The following FSTL4 variants were observed in gnomAD, a reference collection of about 807,000 sequenced individuals.
FSTL4 encodes the protein follistatin-related protein 4.
Under a neutral mutation model 78.2 loss-of-function variants are expected in FSTL4, and 28 were observed. That is an observed-to-expected ratio of 0.36 (90% CI 0.27 to 0.49). The LOEUF (loss-of-function observed/expected upper bound fraction) is 0.49, where lower values mean the gene tolerates loss of function less well. Ranked by LOEUF, FSTL4 falls within the 20% of genes least tolerant of loss-of-function variation. FSTL4 has a pLI of 0.98. For synonymous variants in FSTL4, 422 were observed against 440.5 expected (o/e 0.96, Z 0.53); for missense variants, 922 against 1,084.9 (o/e 0.85, Z 2.11).
intron 3 of FSTL4, among the ~76,000 whole-genome samples, chr5:133,548,732 A>G (rs2545537): frequency 0.39 from 58,724 of 151,948 alleles, 11,479 homozygotes; most frequent in African/African-American, 0.41. Context: ...GAACTGTAAA[A>G]TATTATATTG....
In FSTL4 at chr5:133,475,938, A is replaced by T. The variant is rs113405408; in HGVS notation, c.161-74952T>A. Among the ~76,000 whole-genome samples the T allele has an allele frequency of 2.8e-3, 427 of 152,278 alleles. 3 individuals are homozygous for T. Among genetic ancestry groups the T allele is most frequent in the African/African-American group, 9.7e-3 (404 of 41,568 alleles). ...AACTGGCTTTTAATGTCCACCCTCC[A>T]GAGGAGTCTGGGCGAATAAGGCTTA... On this transcript the variant is annotated intron_variant, in intron 3 of 15. Transcript: ENST00000265342.
At chr5:133,616,310 A>AATCTATATCT (rs1554073701), upstream of FSTL4, among the ~76,000 whole-genome samples, 63 of 147,276 alleles carry the variant, frequency 4.3e-4, no homozygotes, top group African/African-American at 1.4e-3. Flanking sequence ...TGAAAATCTA[A>AATCTATATCT]ATCTATCTAT....
At chr5:133,494,259 T>C (rs962357253) in intron 3 of FSTL4, among the ~76,000 whole-genome samples, 15 of 151,778 alleles carry the variant, frequency 9.9e-5, no homozygotes, top group African/African-American at 3.6e-4. Context: ...TCTGGGATGA[T>C]AGAGGACTTC....
At chr5:133,230,603 T>G (rs1462472012) in intron 8 of FSTL4, among the ~76,000 whole-genome samples, 3 of 152,090 alleles carry the variant, frequency 2.0e-5, no homozygotes, top group Non-Finnish European at 4.4e-5. Flanking sequence ...GTAAGATGAC[T>G]CCTCACTGGC....
rs767927742 is a variant in FSTL4, at chr5:133,220,829, G to A, written c.1377C>T (p.Asp459=). Residue 459 remains aspartate, a synonymous_variant, in exon 12 of 16, where the codon GAC becomes GAT. Transcript: ENST00000265342. ...SVGNMFYVFS[D]DGIIVIHPVD... ...CAGGATGGATGACGATGATACCGTC[G>A]TCGGAGAAGACATAGAACATGTTTC... 32 of 1,612,472 alleles carry A rather than the reference G, an allele frequency of 2.0e-5. No individual in the cohort carries two copies. The highest frequency in any genetic ancestry group is 3.3e-5 in the Admixed American group (2 of 60,000).
At position 133,225,802 on chromosome 5, in the gene FSTL4, C is replaced by T; in HGVS notation, c.1033G>A (p.Val345Ile). ...LQVNVPPVIR[V>I]YPESQAQEPG... The stretch of plus-strand genomic sequence containing the variant: ...TCCTGTGCCTGGCTCTCTGGATAGA[C>T]ACGGATGACTGGCGGCACTGTGGGT... Residue 345 changes from valine (V) to isoleucine (I), a missense_variant, in exon 9 of 16, where the codon GTC becomes ATC. By Grantham distance (29) the Val-to-Ile change is conservative. Transcript: ENST00000265342. This position sits in a 1 kb window ranked among gnomAD's most constrained non-coding sequence, Gnocchi z 4.6. 1 of 1,589,122 alleles carries T rather than the reference C, an allele frequency of 6.3e-7. No homozygotes were observed. The highest frequency in any genetic ancestry group is 8.6e-7 in the Non-Finnish European group (1 of 1,168,300).
chr5:133,702,687 T>C, the FSTL4 span, among the ~76,000 whole-genome samples: 121 of 152,322 alleles, frequency 7.9e-4, no homozygotes, highest in African/African-American at 2.8e-3. Flanking sequence ...TAATTAGCCT[T>C]ATTCTAGAAT....
At chr5:133,763,937 AG>A in the FSTL4 span, among the ~76,000 whole-genome samples, 1 of 152,302 alleles carries the variant, frequency 6.6e-6, no homozygotes, top group Non-Finnish European at 1.5e-5. Flanking sequence ...CCAGAGCCCA[AG>A]CCAGCCCAAG....
Position 133,567,236 on chromosome 5 carries a change from A to C in FSTL4, c.127-17T>G. Reference sequence around the variant, plus strand: ...TCTGGGCTCCTGCAAGAAAAGAAAGACTTTGTGTTTTCTGAAGAATAATTC... The same window carrying C: ...TCTGGGCTCCTGCAAGAAAAGAAAGCCTTTGTGTTTTCTGAAGAATAATTC... On this transcript the variant is annotated splice_polypyrimidine_tract_variant and intron_variant, in intron 2 of 15. Coordinates refer to ENST00000265342, the MANE Select transcript of FSTL4 (RefSeq NM_015082.2). 6.3e-7 allele frequency: 1 copy of C among 1,598,950 alleles called. No individual in the cohort carries two copies.
At chr5:133,776,286 C>G in the FSTL4 span, among the ~76,000 whole-genome samples, 2 of 152,296 alleles carry the variant, frequency 1.3e-5, no homozygotes, top group Non-Finnish European at 2.9e-5. Flanking sequence ...ATGTCCCAAG[C>G]TGCCTTTATG....
At chr5:133,727,862 C>T in the FSTL4 span, among the ~76,000 whole-genome samples, 1 of 152,322 alleles carries the variant, frequency 6.6e-6, no homozygotes, top group South Asian at 2.1e-4. Flanking sequence ...GAGCCAAGAG[C>T]ACGAGGGCTG....
chr5:133,746,744 A>C, the FSTL4 span, among the ~76,000 whole-genome samples: 165 of 152,320 alleles, frequency 1.1e-3, no homozygotes, highest in African/African-American at 3.8e-3. Flanking sequence ...CAAGAAAGCA[A>C]AGAGAAACTG....
chr5:133,785,562 T>A, the FSTL4 span, among the ~76,000 whole-genome samples: 1 of 152,184 alleles, frequency 6.6e-6, no homozygotes, highest in East Asian at 1.9e-4. Context: ...GCACTTGTTT[T>A]TCTTGGCCTC....
chr5:133,298,686 T>A (rs889271025), intron 6 of FSTL4, among the ~76,000 whole-genome samples: 3 of 152,240 alleles, frequency 2.0e-5, no homozygotes, highest in Non-Finnish European at 4.4e-5. Flanking sequence ...AGCAGGAAAC[T>A]CAGCCATGGT....
chr5:133,675,159 C>T, the FSTL4 span, among the ~76,000 whole-genome samples: 2 of 151,970 alleles, frequency 1.3e-5, no homozygotes, highest in East Asian at 3.9e-4. Flanking sequence ...AAGTAGAGAC[C>T]TGAGTGATAA....
chr5:133,224,052 T>A lies in FSTL4; in HGVS notation c.1339+138A>T, dbSNP rs556667563. On this transcript the variant is annotated intron_variant, in intron 11 of 15. Transcript: ENST00000265342. ...AAATTTGATTCAATGCATATGCCAC[T>A]TGAATTTGACATTGACTTCCTGCTC... 1.1e-4 allele frequency: 69 copies of A among 616,370 alleles called. 1 individual carries two copies. The South Asian group carries it at 1.5e-3, about 14-fold the overall frequency. The allele number at this position is 616,370 out of a possible 1,614,324, so 38.2% of individuals were successfully genotyped here. A position where few individuals can be genotyped will look rare whatever the true frequency, so the allele number is the denominator to read the frequency against.
At chr5:133,540,423 C>T (rs1232725268) in intron 3 of FSTL4, among the ~76,000 whole-genome samples, 2 of 152,078 alleles carry the variant, frequency 1.3e-5, no homozygotes, top group African/African-American at 2.4e-5. Flanking sequence ...ATGCTAGAAG[C>T]CCTGTTGTTC....
chr5:133,358,214 G>C lies in FSTL4; in HGVS notation c.410-41562C>G, dbSNP rs148770139. On this transcript the variant is annotated intron_variant, in intron 4 of 15. Transcript: ENST00000265342. Reference sequence around the variant, plus strand: ...GATAATCCAGGATAAACTCCCCTGGGTCTAGAGCCTTAACTTCACCTGCAA... The same window carrying C: ...GATAATCCAGGATAAACTCCCCTGGCTCTAGAGCCTTAACTTCACCTGCAA... 3.9e-3 allele frequency among the ~76,000 whole-genome samples: 591 copies of C among 152,266 alleles called. 6 individuals are homozygous for C. Among genetic ancestry groups the C allele is most frequent in the African/African-American group, 0.014 (562 of 41,552 alleles).
At chr5:133,280,222 T>C (rs1364966820) in intron 6 of FSTL4, among the ~76,000 whole-genome samples, 1 of 152,190 alleles carries the variant, frequency 6.6e-6, no homozygotes, top group Admixed American at 6.5e-5. Context: ...GGCCACCTGC[T>C]CTGACCCCTG....
Sources: allele counts gnomAD v4.1 joint callset (sites outside exome capture counted in the v4.1 genomes callset), GRCh38; gene constraint gnomAD v4.1.1; non-coding constraint Gnocchi (gnomAD v3.1); transcripts MANE v1.5; gene names NCBI Gene and HGNC (gene_info 2026-07-23, HGNC 2026-07-21).